PDE4D: variants seen among roughly 807,000 people sequenced by gnomAD.
PDE4D encodes the protein phosphodiesterase 4D.
Under a neutral mutation model 87.4 loss-of-function variants are expected in PDE4D, and 24 were observed. The observed-to-expected ratio is 0.27, with a 90% CI of 0.20 to 0.39. The LOEUF is 0.39. Ranked by LOEUF, PDE4D falls within the 10% of genes least tolerant of loss-of-function variation. The pLI, the probability that PDE4D is intolerant of heterozygous loss-of-function variation, is 1.00. For synonymous variants in PDE4D, 384 were observed against 383.2 expected (o/e 1.00, Z -0.02); for missense variants, 714 against 1,041.0 (o/e 0.69, Z 4.32).
intron 1 of PDE4D, among the ~76,000 whole-genome samples, chr5:60,407,806 A>G (rs2150059649): frequency 6.6e-6 from 1 of 152,054 alleles, no homozygotes; most frequent in South Asian, 2.1e-4. Context: ...CCAACCTAAT[A>G]TTAGTTTAAA....
intron 1 of PDE4D, among the ~76,000 whole-genome samples, chr5:60,510,585 T>C (rs28509215): frequency 0.071 from 10,763 of 152,224 alleles, 526 homozygotes; most frequent in Non-Finnish European, 0.096. Context: ...ATTAGTCCTA[T>C]GGCCGGAGTA....
In PDE4D at chr5:60,089,038, G is replaced by C. The variant is rs546923342; in HGVS notation, c.42+96519C>G. Among the ~76,000 whole-genome samples, 4 of 152,042 alleles carry C rather than the reference G, an allele frequency of 2.6e-5. No homozygotes were observed. The South Asian group carries it at 8.3e-4, about 32-fold the overall frequency. On this transcript the variant is annotated intron_variant, in intron 2 of 16. Coordinates refer to the PDE4D transcript ENST00000502484. ...AGCAGAAGTAAAGCTATAATTATCA[G>C]ATAAAACAGACCTTAAGTCAAGGAC...
intron 1 of PDE4D, among the ~76,000 whole-genome samples, chr5:59,614,850 G>A (rs62355583): frequency 1.4e-5 from 2 of 146,266 alleles, no homozygotes; most frequent in African/African-American, 5.0e-5. Flanking sequence ...TTTTTTTTTG[G>A]TGGTAGGGTC....
chr5:59,169,320 A>AT (rs36019773), intron 5 of PDE4D, among the ~76,000 whole-genome samples: 9 of 149,258 alleles, frequency 6.0e-5, no homozygotes, highest in East Asian at 3.9e-4. Flanking sequence ...TGGTTCTTTT[A>AT]TTTTTTTTTT....
chr5:59,410,348 G>C (rs1161901777), intron 1 of PDE4D, among the ~76,000 whole-genome samples: 1 of 152,140 alleles, frequency 6.6e-6, no homozygotes, highest in Non-Finnish European at 1.5e-5. Flanking sequence ...CCAGGTTCAA[G>C]TGATTCTTGT....
chr5:59,455,828 T>C (rs938593803), intron 1 of PDE4D, among the ~76,000 whole-genome samples: 7 of 152,198 alleles, frequency 4.6e-5, no homozygotes, highest in African/African-American at 7.2e-5. Context: ...ATGTGAGACA[T>C]GGAGTTAAAG....
intron 1 of PDE4D, among the ~76,000 whole-genome samples, chr5:59,396,699 A>G (rs1407710837): frequency 8.4e-6 from 1 of 118,810 alleles, no homozygotes; most frequent in Admixed American, 8.2e-5. Context: ...ACCAGCTAAC[A>G]TCAAAATGAC....
chr5:59,545,918 T>C (rs1241336005), intron 1 of PDE4D, among the ~76,000 whole-genome samples: 3 of 152,204 alleles, frequency 2.0e-5, no homozygotes, highest in Non-Finnish European at 4.4e-5. Flanking sequence ...TAAAGTTTTG[T>C]TGATGGAGTC....
intron 3 of PDE4D, among the ~76,000 whole-genome samples, chr5:59,967,975 C>CTTT (rs34199262): frequency 1.9e-4 from 10 of 52,686 alleles, no homozygotes; most frequent in African/African-American, 2.8e-4. Context: ...GAGCCATATG[C>CTTT]TTTTTTTTTT....
intron 3 of PDE4D, among the ~76,000 whole-genome samples, chr5:59,963,237 CTG>C (rs926053184): frequency 1.6e-4 from 25 of 152,282 alleles, no homozygotes; most frequent in Admixed American, 1.6e-3. Flanking sequence ...TGCTCTCATT[CTG>C]TGTCCTCAAC....
chr5:60,455,247 G>A (rs1415180707), intron 1 of PDE4D, among the ~76,000 whole-genome samples: 1 of 151,924 alleles, frequency 6.6e-6, no homozygotes, highest in Non-Finnish European at 1.5e-5. Context: ...AATTTGTGAG[G>A]GAACAAAGTT....
intron 1 of PDE4D, among the ~76,000 whole-genome samples, chr5:59,787,679 G>A (rs1171999354): frequency 1.3e-5 from 2 of 152,136 alleles, no homozygotes; most frequent in Non-Finnish European, 2.9e-5. Flanking sequence ...TTAATGAGGA[G>A]CTTTTGAAGT....
chr5:59,051,579 C>T (rs1761560291), intron 5 of PDE4D, among the ~76,000 whole-genome samples: 1 of 152,166 alleles, frequency 6.6e-6, no homozygotes, highest in African/African-American at 2.4e-5. Context: ...TGTGGTCAAA[C>T]AAGCTTGGGA....
In PDE4D at chr5:60,008,407, G is replaced by T. The variant is rs541808369; in HGVS notation, c.43-19690C>A. On this transcript the variant is annotated intron_variant, in intron 2 of 16. Coordinates refer to the PDE4D transcript ENST00000502484. ...ATCTACTAATTTTGAAACATCTGCCGCAAATTCAAATTTCTAAAAACCCCA... is the reference window on the plus strand; with the variant it reads ...ATCTACTAATTTTGAAACATCTGCCTCAAATTCAAATTTCTAAAAACCCCA... 2.0e-5 allele frequency among the ~76,000 whole-genome samples: 3 copies of T among 152,054 alleles called. No homozygotes were observed. In the East Asian group the frequency reaches 5.8e-4, roughly 29 times the overall value.
At chr5:59,217,868 T>C (rs1751596154) in intron 1 of PDE4D, 3 of 314,352 alleles carry the variant, frequency 9.5e-6, no homozygotes, top group South Asian at 2.7e-5. Context: ...TGGTCTCTAA[T>C]CATTCAATAG....
rs1416125518 is a variant in PDE4D at position 59,380,412 on chromosome 5, AGAAAGAAGT to A, written c.456-164453_456-164445del. Among the ~76,000 whole-genome samples, 62 of 148,630 alleles carry A rather than the reference AGAAAGAAGT, an allele frequency of 4.2e-4. 1 individual carries two copies. Among genetic ancestry groups the A allele is most frequent in the Non-Finnish European group, 7.2e-4 (48 of 66,956 alleles). On this transcript the variant is annotated intron_variant, in intron 1 of 14. Transcript: ENST00000340635. The stretch of plus-strand genomic sequence containing the variant: ...TCAAAAAAAAAAAAAAAAAAGAGAG[AGAAAGAAGT>A]GAGAAAGAAGTAGGAAAAAAAGAAG...
chr5:59,894,377 CTA>C (rs1751412040), upstream of PDE4D, among the ~76,000 whole-genome samples: 2 of 152,198 alleles, frequency 1.3e-5, no homozygotes, highest in Admixed American at 1.3e-4. Flanking sequence ...GGAATATTGT[CTA>C]TGCGCGTCGC....
chr5:59,810,663 G>A (rs915858399), intron 1 of PDE4D, among the ~76,000 whole-genome samples: 1 of 152,140 alleles, frequency 6.6e-6, no homozygotes, highest in Non-Finnish European at 1.5e-5. Flanking sequence ...ACCAGCCTCA[G>A]GGTCACTGCA....
chr5:60,147,219 A>G (rs1268824439), intron 2 of PDE4D, among the ~76,000 whole-genome samples: 1 of 152,212 alleles, frequency 6.6e-6, no homozygotes, highest in African/African-American at 2.4e-5. Flanking sequence ...TAGAAGAAAT[A>G]CAAGAAAGGT....
Sources: allele counts gnomAD v4.1 joint callset (sites outside exome capture counted in the v4.1 genomes callset), GRCh38; gene constraint gnomAD v4.1.1; transcripts MANE v1.5; gene names NCBI Gene and HGNC (gene_info 2026-07-23, HGNC 2026-07-21).